ARID4B: variants seen among roughly 807,000 people sequenced by gnomAD.
ARID4B encodes the protein AT-rich interactive domain-containing protein 4B.
A neutral mutation model predicts 147.5 loss-of-function variants in ARID4B; 26 were observed. The observed-to-expected ratio is 0.18, with a 90% confidence interval of 0.13 to 0.24. ARID4B has a LOEUF of 0.24. Among genes scored for constraint, ARID4B ranks in the 10% least tolerant of loss-of-function variants. ARID4B has a pLI of 1.00. For synonymous variants in ARID4B, 512 were observed against 507.9 expected (o/e 1.01, Z -0.11); for missense variants, 1,179 against 1,511.5 (o/e 0.78, Z 3.65).
chr1:235,256,870 G>A (rs1042604587), intron 4 of ARID4B, among the ~76,000 whole-genome samples: 1 of 152,022 alleles, frequency 6.6e-6, no homozygotes, highest in African/African-American at 2.4e-5. Context: ...ACCATATCAA[G>A]TATTATTTAA....
intron 5 of ARID4B, among the ~76,000 whole-genome samples, chr1:235,254,644 G>C (rs563754520): frequency 6.6e-6 from 1 of 151,506 alleles, no homozygotes; most frequent in African/African-American, 2.4e-5. Flanking sequence ...AGCAACAGGA[G>C]AAATATATTT....
At chr1:235,223,733 G>A in intron 12 of ARID4B, among the ~76,000 whole-genome samples, 1 of 137,966 alleles carries the variant, frequency 7.2e-6, no homozygotes. Flanking sequence ...AGGCAAGGAT[G>A]CTAAATCAAA....
At chr1:235,294,992 A>G (rs1333732014) in intron 2 of ARID4B, among the ~76,000 whole-genome samples, 1 of 151,142 alleles carries the variant, frequency 6.6e-6, no homozygotes, top group African/African-American at 2.4e-5. Context: ...TTAAATATTA[A>G]TATTTATTTA....
rs753270613 is a variant in ARID4B, at chr1:235,213,807, C to T, written c.1803G>A (p.Glu601=). The change falls in exon 17 of 24, where the codon GAG becomes GAA. Residue 601 remains glutamate (E), a synonymous_variant. Coordinates refer to ENST00000264183, the MANE Select transcript of ARID4B (RefSeq NM_016374.6). ...CGCAGTAATGCACCAAGTAAAGGAC[C>T]TCTCCACCTTCGACATCAGAATCTT... The part of the protein sequence containing the change: ...SIKDSDVEGG[E]VLYLVHYCGW... The T allele has an allele frequency of 1.9e-6, 3 of 1,613,988 alleles. No homozygotes were observed. The highest frequency in any genetic ancestry group is 2.5e-6 in the Non-Finnish European group (3 of 1,179,950).
chr1:235,289,189 T>C (rs747151589), intron 2 of ARID4B, among the ~76,000 whole-genome samples: 13 of 152,332 alleles, frequency 8.5e-5, no homozygotes, highest in Middle Eastern at 6.8e-3. Flanking sequence ...TAATAAATTA[T>C]GATCCTGGAA....
At chr1:235,320,439 C>A (rs1232073381) in intron 2 of ARID4B, among the ~76,000 whole-genome samples, 1 of 152,154 alleles carries the variant, frequency 6.6e-6, no homozygotes, top group African/African-American at 2.4e-5. Flanking sequence ...ACTACTATTT[C>A]TCCTCACCAC....
chr1:235,189,648 A>G (rs1322620182), intron 19 of ARID4B, among the ~76,000 whole-genome samples: 1 of 151,256 alleles, frequency 6.6e-6, no homozygotes, highest in African/African-American at 2.4e-5. Flanking sequence ...CAGCTACCCA[A>G]CTACTTGGGA....
At chr1:235,313,734 G>A (rs1047080670) in intron 2 of ARID4B, among the ~76,000 whole-genome samples, 14 of 152,260 alleles carry the variant, frequency 9.2e-5, no homozygotes, top group African/African-American at 2.9e-4. Flanking sequence ...TAGGAGAGAG[G>A]AGATGTATTA....
At position 235,182,256 on chromosome 1, in the gene ARID4B, G is replaced by C. The variant is rs1233224969; in HGVS notation, c.2663C>G (p.Ser888Cys). The change falls in exon 20 of 24, where the codon TCT (serine) becomes TGT (cysteine). Residue 888 changes from serine to cysteine, a missense_variant. Coordinates refer to ENST00000264183, the MANE Select transcript of ARID4B (RefSeq NM_016374.6). ...TGAATAGAAACCAGTTGTCCGTAGA[G>C]ATTTTCTTTTTTCCTCCAAACCATT... is the stretch of plus-strand genomic sequence containing the variant. ...KYNGLEEKRK[S>C]LRTTGFYSGF... 6.2e-7 allele frequency: 1 copy of C among 1,612,690 alleles called. No homozygotes were observed. Among genetic ancestry groups the C allele is most frequent in the Non-Finnish European group, 8.5e-7 (1 of 1,179,746 alleles).
chr1:235,304,663 AAAAC>A (rs1489080241), intron 2 of ARID4B, among the ~76,000 whole-genome samples: 1 of 152,066 alleles, frequency 6.6e-6, no homozygotes, highest in Admixed American at 6.5e-5. Context: ...GCTGAATTCT[AAAAC>A]AAACATCTGC....
chr1:235,294,381 C>T (rs543075738), intron 2 of ARID4B, among the ~76,000 whole-genome samples: 9 of 127,318 alleles, frequency 7.1e-5, no homozygotes, highest in Non-Finnish European at 9.6e-5. Flanking sequence ...GGTGTGATCT[C>T]GGCTCACTGC....
intron 4 of ARID4B, 121 bp from the exon 5 acceptor site, chr1:235,255,871 A>G: frequency 1.6e-6 from 1 of 636,692 alleles, no homozygotes; most frequent in Non-Finnish European, 2.7e-6. Context: ...TATTGACTTC[A>G]TTTAAAAGTA....
In ARID4B at chr1:235,182,172, A is replaced by C; in HGVS notation, c.2747T>G (p.Leu916Arg). 1.2e-6 allele frequency: 2 copies of C among 1,614,222 alleles called. No individual in the cohort carries two copies. The highest frequency in any genetic ancestry group is 1.7e-6 in the Non-Finnish European group (2 of 1,180,036). ...IKLLNNSDER[L>R]QNSRAKDRKD... ...TCGATCTTTGGCCCTGCTGTTTTGA[A>C]GTCTTTCATCAGAGTTATTTAAAAG... Residue 916 changes from leucine to arginine, a missense_variant, in exon 20 of 24, where the codon CTT (leucine) becomes CGT (arginine). By Grantham distance (102) the Leu-to-Arg change is moderately radical. Around this residue, in one of 10 missense-constraint regions of ARID4B, gnomAD observed 321 missense variants for 342.4 expected, o/e 0.94. Transcript: ENST00000264183.
In ARID4B at chr1:235,223,179, C is replaced by T; in HGVS notation, c.1052G>A (p.Gly351Glu). 1 of 1,571,814 alleles carries T rather than the reference C, an allele frequency of 6.4e-7. No individual in the cohort carries two copies. The highest frequency in any genetic ancestry group is 8.7e-7 in the Non-Finnish European group (1 of 1,154,214). The change falls in exon 13 of 24, where the codon GGA (glycine) becomes GAA (glutamate). Residue 351 changes from glycine (G) to glutamate (E), a missense_variant. By Grantham distance (98) the Gly-to-Glu change is moderately conservative. Coordinates refer to ENST00000264183, the MANE Select transcript of ARID4B (RefSeq NM_016374.6). ...FKLFRLVHKL[G>E]GFDNIESGAV... ...TACAACACTCACATTATCAAATCCTCCAAGTTTGTGTACAAGTCTGAATAA... is the reference window on the plus strand; with the variant it reads ...TACAACACTCACATTATCAAATCCTTCAAGTTTGTGTACAAGTCTGAATAA...
intron 19 of ARID4B, among the ~76,000 whole-genome samples, chr1:235,189,314 C>T (rs1057412045): frequency 7.1e-6 from 1 of 141,532 alleles, no homozygotes; most frequent in Non-Finnish European, 1.5e-5. Context: ...GCAGGAGAAT[C>T]GCTTGAACTT....
At chr1:235,302,723 G>T (rs985600216) in intron 2 of ARID4B, among the ~76,000 whole-genome samples, 21 of 152,104 alleles carry the variant, frequency 1.4e-4, no homozygotes, top group Non-Finnish European at 5.9e-5. Context: ...ACTGCTGTGG[G>T]TCACTTAGTA....
At chr1:235,314,314 A>G (rs910035729) in intron 2 of ARID4B, among the ~76,000 whole-genome samples, 1 of 152,244 alleles carries the variant, frequency 6.6e-6, no homozygotes, top group Admixed American at 6.5e-5. Flanking sequence ...TATGCCAAGC[A>G]CAGTGTAAAG....
At chr1:235,240,765 T>C (rs1435999726) in intron 7 of ARID4B, among the ~76,000 whole-genome samples, 2 of 152,108 alleles carry the variant, frequency 1.3e-5, no homozygotes, top group East Asian at 3.9e-4. Flanking sequence ...AACATCCCAG[T>C]ATTACACTAA....
chr1:235,320,666 A>T (rs939078354), intron 2 of ARID4B, among the ~76,000 whole-genome samples: 2 of 152,132 alleles, frequency 1.3e-5, no homozygotes, highest in African/African-American at 4.8e-5. Flanking sequence ...AAGGCCCTAC[A>T]ATTGTACTGG....
Sources: gnomAD v4.1 joint callset for allele counts (sites outside exome capture counted in the v4.1 genomes callset) on GRCh38, gnomAD v4.1.1 for gene constraint, gnomAD v4.1.1 regional missense constraint, MANE v1.5 for transcripts, NCBI Gene and HGNC (gene_info 2026-07-23, HGNC 2026-07-21) for gene names.